Variants in GABRB3 observed in about 807,000 individuals in gnomAD.
The protein encoded by GABRB3 is gamma-aminobutyric acid receptor subunit beta-3.
A neutral mutation model predicts 52.1 loss-of-function variants in GABRB3; 14 were observed. The ratio of observed to expected loss-of-function variants is 0.27; its 90% confidence interval spans 0.18 to 0.42. The LOEUF is 0.42. GABRB3 is among the 10% of genes least tolerant of loss of function. GABRB3 has a pLI of 1.00. For synonymous variants in GABRB3, 260 were observed against 232.3 expected, an observed-to-expected ratio of 1.12 and a Z score of -1.08; for missense variants, 307 against 609.1, an observed-to-expected ratio of 0.50 and a Z score of 5.22.
chr15:26,620,495 AC>A (rs1314100678), intron 4 of GABRB3, among the ~76,000 whole-genome samples: 1 of 152,222 alleles, frequency 6.6e-6, no homozygotes, highest in African/African-American at 2.4e-5. Flanking sequence ...CATGTGTCCC[AC>A]TCAACACTGA....
chr15:26,562,948 G>A (rs1441187868), intron 7 of GABRB3, among the ~76,000 whole-genome samples: 1 of 152,126 alleles, frequency 6.6e-6, no homozygotes, highest in Non-Finnish European at 1.5e-5. Context: ...TGTGCACCTG[G>A]GGACTTTTTA....
chr15:26,577,114 T>C (rs553220356), intron 6 of GABRB3, among the ~76,000 whole-genome samples: 1 of 152,224 alleles, frequency 6.6e-6, no homozygotes, highest in East Asian at 1.9e-4. Context: ...ATTGGGGTTC[T>C]AGAAGAAGAG....
At position 26,730,401 on chromosome 15, in the gene GABRB3, G is replaced by C. The variant is rs1175849886; in HGVS notation, c.240+42001C>G. Among the ~76,000 whole-genome samples, 4 of 118,542 alleles carry C rather than the reference G, an allele frequency of 3.4e-5. No individual in the cohort carries two copies. The Admixed American group carries it at 4.8e-4, about 14-fold the overall frequency. The allele number at this position is 118,542 out of a possible 152,430, so 77.8% of individuals were successfully genotyped here. A position where few individuals can be genotyped will look rare whatever the true frequency, so the allele number is the denominator to read the frequency against. On this transcript the variant is annotated intron_variant, in intron 3 of 8. Coordinates refer to ENST00000311550, the MANE Select transcript of GABRB3 (RefSeq NM_000814.6). Reference sequence around the variant, plus strand: ...CCACTGCACTCCAGCCTGGGCGACAGAGCGAGACTCCGTCTCAAAAAAAAA... The same window carrying C: ...CCACTGCACTCCAGCCTGGGCGACACAGCGAGACTCCGTCTCAAAAAAAAA...
chr15:26,718,627 C>T (rs1375229327), intron 3 of GABRB3, among the ~76,000 whole-genome samples: 5 of 151,990 alleles, frequency 3.3e-5, no homozygotes, highest in African/African-American at 4.8e-5. Context: ...ATTATACTCT[C>T]GTCTATAGTT....
chr15:26,582,774 A>G (rs1890834372), intron 5 of GABRB3, among the ~76,000 whole-genome samples: 1 of 152,246 alleles, frequency 6.6e-6, no homozygotes, highest in South Asian at 2.1e-4. Context: ...AAGATAAGCA[A>G]CAACAAAAAC....
chr15:26,649,122 T>C (rs905306361), intron 3 of GABRB3, among the ~76,000 whole-genome samples: 1 of 152,204 alleles, frequency 6.6e-6, no homozygotes, highest in African/African-American at 2.4e-5. Context: ...GTGAGAAGCA[T>C]TGCTACGATA....
At chr15:26,767,893 ATG>A (rs896342617) in intron 3 of GABRB3, among the ~76,000 whole-genome samples, 5 of 152,096 alleles carry the variant, frequency 3.3e-5, no homozygotes, top group Middle Eastern at 3.4e-3. Flanking sequence ...AATAGTGCAA[ATG>A]TGTGTGTGTG....
intron 3 of GABRB3, among the ~76,000 whole-genome samples, chr15:26,711,640 C>T (rs1481664297): frequency 6.6e-6 from 1 of 152,142 alleles, no homozygotes; most frequent in Middle Eastern, 3.2e-3. Context: ...ATGATCACAG[C>T]AGGACACGTC....
intron 3 of GABRB3, among the ~76,000 whole-genome samples, chr15:26,637,983 A>G (rs1893101349): frequency 6.6e-6 from 1 of 152,208 alleles, no homozygotes; most frequent in African/African-American, 2.4e-5. Flanking sequence ...CTCCAAGTGC[A>G]GCTTACAATG....
chr15:26,614,406 G>A (rs540101125), intron 4 of GABRB3: 1 of 152,272 alleles, frequency 6.6e-6, no homozygotes, highest in African/African-American at 2.4e-5. Flanking sequence ...AGCTTTGAGA[G>A]ATGAAGAAAA....
chr15:26,600,531 G>T (rs1379488723), intron 4 of GABRB3, among the ~76,000 whole-genome samples: 1 of 152,148 alleles, frequency 6.6e-6, no homozygotes, highest in Non-Finnish European at 1.5e-5. Context: ...ACTATCAGCA[G>T]ACTTATCAAC....
intron 3 of GABRB3, among the ~76,000 whole-genome samples, chr15:26,738,631 C>T (rs1185159017): frequency 6.6e-6 from 1 of 152,122 alleles, no homozygotes; most frequent in Middle Eastern, 3.2e-3. Context: ...CCTGTTCACC[C>T]CCTTCTTTGT....
chr15:26,621,473 C>T lies in GABRB3; in HGVS notation c.302G>A (p.Gly101Glu). The T allele has an allele frequency of 6.2e-7, 1 of 1,614,062 alleles. No individual in the cohort carries two copies. The highest frequency in any genetic ancestry group is 8.5e-7 in the Non-Finnish European group (1 of 1,179,998). ...YWRDKRLAYSGIPLNLTLDNR... is the reference protein window; with the variant it reads ...YWRDKRLAYSEIPLNLTLDNR... ...GTCAAGCGTGAGGTTGAGAGGGATC[C>T]CAGAATAGGCGAGCCTTTTATCTCT... Residue 101 changes from glycine (G) to glutamate (E), a missense_variant, in exon 4 of 9, where the codon GGG (glycine) becomes GAG (glutamate). Gly to Glu is a moderately conservative substitution (Grantham distance 98). Transcript: ENST00000311550. The surrounding 1 kb of genome is among the most constrained non-coding windows in gnomAD (Gnocchi z 4.1).
chr15:26,752,457 G>A (rs993274623), intron 3 of GABRB3, among the ~76,000 whole-genome samples: 1 of 151,808 alleles, frequency 6.6e-6, no homozygotes. Flanking sequence ...TAGAGATGGG[G>A]TTTCACCGTG....
chr15:26,616,932 C>G (rs1327451061), intron 4 of GABRB3, among the ~76,000 whole-genome samples: 1 of 151,304 alleles, frequency 6.6e-6, no homozygotes, highest in Non-Finnish European at 1.5e-5. Context: ...CATACAGAGA[C>G]AGACTGACAT....
chr15:26,675,191 T>G (rs1888028489), intron 3 of GABRB3, among the ~76,000 whole-genome samples: 1 of 152,226 alleles, frequency 6.6e-6, no homozygotes, highest in African/African-American at 2.4e-5. Flanking sequence ...CTATTTCTTT[T>G]TCTCAATTTT....
chr15:26,580,529 T>G, intron 5 of GABRB3, 73 bp from the exon 6 acceptor site: 1 of 1,586,398 alleles, frequency 6.3e-7, no homozygotes, highest in Non-Finnish European at 8.6e-7. Context: ...AAACTATCAT[T>G]AACATGGAGG....
At position 26,760,332 on chromosome 15, in the gene GABRB3, C is replaced by T. The variant is rs34863393; in HGVS notation, c.240+12070G>A. ...AAGGCAACTCAGAGAGCATCCATTC[C>T]AGCACCCTCATTAGAAAGATGATCA... On this transcript the variant is annotated intron_variant, in intron 3 of 8. Coordinates refer to ENST00000311550, the MANE Select transcript of GABRB3 (RefSeq NM_000814.6). 4.0e-3 allele frequency among the ~76,000 whole-genome samples: 608 copies of T among 152,306 alleles called. 2 individuals are homozygous for T. The highest frequency in any genetic ancestry group is 7.3e-3 in the South Asian group (35 of 4,820).
intron 3 of GABRB3, among the ~76,000 whole-genome samples, chr15:26,679,705 A>G (rs1888177763): frequency 6.6e-6 from 1 of 151,984 alleles, no homozygotes; most frequent in Non-Finnish European, 1.5e-5. Context: ...GCTTCCAGAA[A>G]GCTTCCGGAG....
Sources: gnomAD v4.1 joint callset for allele counts (sites outside exome capture counted in the v4.1 genomes callset) on GRCh38, gnomAD v4.1.1 for gene constraint, Gnocchi (gnomAD v3.1) non-coding constraint, MANE v1.5 for transcripts, NCBI Gene and HGNC (gene_info 2026-07-23, HGNC 2026-07-21) for gene names.